DIAPH2: variants seen among roughly 807,000 people sequenced by gnomAD.
DIAPH2 encodes diaphanous related formin 2, also known as protein diaphanous homolog 2.
In DIAPH2, 35 loss-of-function variants were observed where a neutral mutation model predicts 92.7. The observed-to-expected ratio is 0.38, with a 90% confidence interval of 0.29 to 0.50. DIAPH2 has a LOEUF of 0.50. Ranked by LOEUF, DIAPH2 falls within the 20% of genes least tolerant of loss-of-function variation. DIAPH2 has a pLI of 0.94. For missense variants in DIAPH2, 701 were observed against 819.5 expected, an observed-to-expected ratio of 0.86 and a Z score of 1.77; for synonymous variants, 301 against 280.4, an observed-to-expected ratio of 1.07 and a Z score of -0.73.
At chrX:97,026,914 T>C (rs758307054) in intron 17 of DIAPH2, among the ~76,000 whole-genome samples, 19 of 112,227 alleles carry the variant, frequency 1.7e-4, no homozygotes, top group Non-Finnish European at 3.6e-4. Context: ...ATTCTAGCAT[T>C]ATTTTAAAAG....
intron 5 of DIAPH2, among the ~76,000 whole-genome samples, chrX:96,904,577 T>C (rs762256764): frequency 8.9e-6 from 1 of 111,797 alleles, no homozygotes; most frequent in Non-Finnish European, 1.9e-5. Flanking sequence ...ATGATGTTTA[T>C]TTAGCCGAAC....
chrX:96,762,497 A>G (rs182737023), intron 4 of DIAPH2, among the ~76,000 whole-genome samples: 35 of 111,507 alleles, frequency 3.1e-4, no homozygotes, highest in Admixed American at 2.9e-3. Flanking sequence ...CAAGTATAAT[A>G]TAAAACAGTA....
At chrX:96,755,158 C>G (rs1195584018) in intron 3 of DIAPH2, among the ~76,000 whole-genome samples, 1 of 109,890 alleles carries the variant, frequency 9.1e-6, no homozygotes, top group Non-Finnish European at 1.9e-5. Context: ...GGGATAGGGA[C>G]AGTGATCCAG....
At chrX:97,443,245 A>T (rs1412560746) in intron 26 of DIAPH2, among the ~76,000 whole-genome samples, 3 of 112,060 alleles carry the variant, frequency 2.7e-5, no homozygotes, top group Non-Finnish European at 5.6e-5. Context: ...ATTTCTTGGT[A>T]TCTTTTGCAT....
At chrX:96,760,163 C>T (rs1319633609) in intron 4 of DIAPH2, among the ~76,000 whole-genome samples, 1 of 111,295 alleles carries the variant, frequency 9.0e-6, no homozygotes, top group Non-Finnish European at 1.9e-5. Flanking sequence ...GGGCCAGATA[C>T]TATGATGGAA....
At chrX:97,296,535 A>G (rs2068644794) in intron 23 of DIAPH2, among the ~76,000 whole-genome samples, 1 of 111,739 alleles carries the variant, frequency 8.9e-6, no homozygotes, top group Admixed American at 9.6e-5. Context: ...ATTCTCTCAC[A>G]TGTAAGCATA....
intron 4 of DIAPH2, among the ~76,000 whole-genome samples, chrX:96,855,414 T>C (rs1376242769): frequency 1.8e-5 from 2 of 110,934 alleles, no homozygotes; most frequent in Non-Finnish European, 1.9e-5. Context: ...ATACAATACG[T>C]ACTAAAAAAA....
At chrX:96,894,974 A>ATTTTTTTTTTTTTTTTTTTTTT (rs766131166) in intron 5 of DIAPH2, among the ~76,000 whole-genome samples, 2 of 59,533 alleles carry the variant, frequency 3.4e-5, no homozygotes, top group Non-Finnish European at 6.1e-5. Flanking sequence ...GTTTTTCTTA[A>ATTTTTTTTTTTTTTTTTTTTTT]TTTTTTTTTT....
In DIAPH2 at chrX:97,303,085, A is replaced by C. The variant is rs72614320; in HGVS notation, c.2845-45031A>C. Among the ~76,000 whole-genome samples, 6 of 112,628 alleles carry C rather than the reference A, an allele frequency of 5.3e-5. No individual in the cohort carries two copies. The East Asian group carries it at 8.3e-4, about 16-fold the overall frequency. Reference sequence around the variant, plus strand: ...TGTTTTGGTGCTTTTGACACTCTTCATGCTTGACTAAACTTTTTCATTATG... The same window carrying C: ...TGTTTTGGTGCTTTTGACACTCTTCCTGCTTGACTAAACTTTTTCATTATG... On this transcript the variant is annotated intron_variant, in intron 23 of 26. Transcript: ENST00000324765.
At chrX:97,554,535 C>A (rs974040954) in intron 26 of DIAPH2, among the ~76,000 whole-genome samples, 3 of 111,741 alleles carry the variant, frequency 2.7e-5, no homozygotes, top group African/African-American at 9.7e-5. Context: ...AACCCATAAT[C>A]CAATAAAATG....
chrX:96,845,536 A>G (rs1013719214), intron 4 of DIAPH2, among the ~76,000 whole-genome samples: 5 of 112,056 alleles, frequency 4.5e-5, no homozygotes, highest in African/African-American at 1.6e-4. Context: ...GAATGAGACA[A>G]TTCATAATTT....
At chrX:96,813,813 G>T (rs749894715) in intron 4 of DIAPH2, among the ~76,000 whole-genome samples, 1 of 111,832 alleles carries the variant, frequency 8.9e-6, no homozygotes, top group African/African-American at 3.2e-5. Flanking sequence ...GAAATTCTGG[G>T]TTGAAAATTC....
intron 4 of DIAPH2, among the ~76,000 whole-genome samples, chrX:96,863,080 A>G (rs1406024728): frequency 1.8e-5 from 2 of 110,283 alleles, no homozygotes; most frequent in Non-Finnish European, 3.8e-5. Context: ...ATGTCTGTCT[A>G]TAAAGATGTG....
intron 19 of DIAPH2, among the ~76,000 whole-genome samples, chrX:97,094,796 G>C (rs1244924606): frequency 2.7e-5 from 3 of 112,013 alleles, no homozygotes; most frequent in Non-Finnish European, 5.6e-5. Flanking sequence ...ATCTCCAGAG[G>C]TTAATGTGGT....
rs769138014 is a variant in DIAPH2 at position 97,401,048 on chromosome X, T to C, written c.3145+17004T>C. Among the ~76,000 whole-genome samples the C allele has an allele frequency of 5.4e-5, 6 of 110,323 alleles. No homozygotes were observed. In the South Asian group the frequency reaches 2.4e-3, roughly 44 times the overall value. ...CCCTAGCTCCACATTTTACTCTTCA[T>C]TCTTTTTTAGCATTTCAGAGCATCC... is the stretch of plus-strand genomic sequence containing the variant. On this transcript the variant is annotated intron_variant, in intron 25 of 26. Coordinates refer to ENST00000324765, the MANE Select transcript of DIAPH2 (RefSeq NM_006729.5).
chrX:97,052,900 G>A (rs2066530389), intron 17 of DIAPH2, among the ~76,000 whole-genome samples: 2 of 110,837 alleles, frequency 1.8e-5, no homozygotes, highest in Admixed American at 9.6e-5. Context: ...TTTGGCTTAA[G>A]GTTTTCTTTT....
chrX:96,986,747 T>C (rs2066034573), intron 17 of DIAPH2, among the ~76,000 whole-genome samples: 1 of 111,467 alleles, frequency 9.0e-6, no homozygotes, highest in Non-Finnish European at 1.9e-5. Context: ...CCTTACCATG[T>C]AGAGATTGAC....
chrX:97,186,137 A>G (rs2067602987), intron 22 of DIAPH2, among the ~76,000 whole-genome samples: 1 of 111,773 alleles, frequency 8.9e-6, no homozygotes, highest in Non-Finnish European at 1.9e-5. Flanking sequence ...GTTTGGTTTC[A>G]GTTCAGCACT....
chrX:97,329,303 A>T (rs2068976785), intron 23 of DIAPH2, among the ~76,000 whole-genome samples: 1 of 112,180 alleles, frequency 8.9e-6, no homozygotes, highest in Non-Finnish European at 1.9e-5. Context: ...GATAAAAGAG[A>T]TATATTTTTG....
Sources: allele counts gnomAD v4.1 joint callset (sites outside exome capture counted in the v4.1 genomes callset), GRCh38; gene constraint gnomAD v4.1.1; transcripts MANE v1.5; gene names NCBI Gene and HGNC (gene_info 2026-07-23, HGNC 2026-07-21).